The following STAT4 variants were observed in gnomAD, a reference collection of about 807,000 sequenced individuals.
STAT4 encodes the protein signal transducer and activator of transcription 4.
Under a neutral mutation model 110.5 loss-of-function variants are expected in STAT4, and 42 were observed. The ratio of observed to expected loss-of-function variants is 0.38; its 90% CI spans 0.30 to 0.49. The LOEUF is 0.49. STAT4 is among the 20% of genes least tolerant of loss of function. The pLI is 0.95. For synonymous variants in STAT4, 284 were observed against 302.2 expected (o/e 0.94, Z 0.63); for missense variants, 632 against 887.9 (o/e 0.71, Z 3.66).
chr2:191,031,378 C>T lies in STAT4; in HGVS notation c.2111+72G>A, dbSNP rs1695887954. 1 of 1,453,216 alleles carries T rather than the reference C, an allele frequency of 6.9e-7. No individual in the cohort carries two copies. Among genetic ancestry groups the T allele is most frequent in the African/African-American group, 1.4e-5 (1 of 70,820 alleles). 90.0% of individuals were successfully genotyped at this position (1,453,216 alleles called of 1,614,324 possible). A position where few individuals can be genotyped will look rare whatever the true frequency, so the allele number is the denominator to read the frequency against. On this transcript the variant is annotated intron_variant, in intron 22 of 23. Coordinates refer to ENST00000392320, the MANE Select transcript of STAT4 (RefSeq NM_003151.4). The surrounding 1 kb of genome is among the most constrained non-coding windows in gnomAD (Gnocchi z 4.8). ...TGCTTTGTTCTCAGTTATGTGTACT[C>T]TGCTCTACCTTTAAATCTCCTATAG...
rs73982612 is a variant in STAT4, at chr2:191,114,747, C to T, written c.273+31866G>A. Among the ~76,000 whole-genome samples the T allele has an allele frequency of 2.6e-3, 390 of 152,254 alleles. 1 individual carries two copies. Among genetic ancestry groups the T allele is most frequent in the African/African-American group, 9.0e-3 (375 of 41,534 alleles). On this transcript the variant is annotated intron_variant, in intron 3 of 23. Transcript: ENST00000392320. ...TACTGCTGTAGATCATGCTTCTTTACGGGCTGCAGAGCTGGGGGCTGCCTT... is the reference window on the plus strand; with the variant it reads ...TACTGCTGTAGATCATGCTTCTTTATGGGCTGCAGAGCTGGGGGCTGCCTT...
chr2:191,038,160 A>G (rs1160372970), intron 16 of STAT4, among the ~76,000 whole-genome samples: 2 of 152,178 alleles, frequency 1.3e-5, no homozygotes, highest in East Asian at 3.9e-4. Context: ...GAACATGTGT[A>G]GATCTAATGG....
chr2:191,088,545 C>A (rs1320427213), intron 3 of STAT4, among the ~76,000 whole-genome samples: 2 of 152,198 alleles, frequency 1.3e-5, no homozygotes, highest in South Asian at 2.1e-4. Context: ...AGATTCCAAT[C>A]AAAATACTAG....
chr2:191,047,101 A>T (rs916852194), intron 14 of STAT4, among the ~76,000 whole-genome samples: 3 of 152,184 alleles, frequency 2.0e-5, no homozygotes, highest in African/African-American at 7.2e-5. Context: ...CTTCCATAAA[A>T]ACCTCAAAGA....
intron 8 of STAT4, 121 bp from the exon 9 acceptor site, chr2:191,063,041 G>T (rs974196271): frequency 3.7e-6 from 3 of 814,782 alleles, no homozygotes; most frequent in Non-Finnish European, 5.1e-6. Context: ...TTAATTAAAT[G>T]AATCACTTAA....
At chr2:191,041,730 AG>A (rs141730293) in intron 14 of STAT4, 10,082 of 152,270 alleles carry the variant, frequency 0.066, 461 homozygotes, top group Middle Eastern at 0.12. Context: ...GGTAGAAGAA[AG>A]AACCCAGAGG....
At chr2:191,129,678 G>A (rs989360370) in intron 3 of STAT4, among the ~76,000 whole-genome samples, 3 of 152,088 alleles carry the variant, frequency 2.0e-5, no homozygotes, top group Admixed American at 6.6e-5. Context: ...CCGCCAGAAT[G>A]AGCTTTTTAA....
At position 191,030,626 on chromosome 2, in the gene STAT4, C is replaced by A; in HGVS notation, c.2220+346G>T. ...GTATACTAGGTTTATAAATATTGAC[C>A]AATAAATGGTGTTTGCTAAAGTAGA... On this transcript the variant is annotated intron_variant, in intron 23 of 23. Coordinates refer to ENST00000392320, the MANE Select transcript of STAT4 (RefSeq NM_003151.4). This position sits in a 1 kb window ranked among gnomAD's most constrained non-coding sequence, Gnocchi z 4.4. The A allele has an allele frequency of 5.1e-6, 1 of 195,548 alleles. No homozygotes were observed. The highest frequency in any genetic ancestry group is 1.1e-5 in the Non-Finnish European group (1 of 93,982). 12.1% of individuals were successfully genotyped at this position (195,548 alleles called of 1,614,324 possible). A position where few individuals can be genotyped will look rare whatever the true frequency, so the allele number is the denominator to read the frequency against.
chr2:191,149,961 T>C (rs1335881093), intron 1 of STAT4, among the ~76,000 whole-genome samples: 2 of 152,216 alleles, frequency 1.3e-5, no homozygotes, highest in African/African-American at 2.4e-5. Flanking sequence ...TAACAATAAC[T>C]TAGTGTATAT....
Position 191,090,424 on chromosome 2 carries a change from C to G in STAT4, c.274-14099G>C, listed in dbSNP as rs1392694209. ...TGATAAAAGAAAGGTACAGTATAGG[C>G]TGTTGATGGATCTAAATTAACAATG... On this transcript the variant is annotated intron_variant, in intron 3 of 23. Coordinates refer to ENST00000392320, the MANE Select transcript of STAT4 (RefSeq NM_003151.4). This position sits in a 1 kb window ranked among gnomAD's most constrained non-coding sequence, Gnocchi z 4.2. Among the ~76,000 whole-genome samples the G allele has an allele frequency of 6.6e-6, 1 of 151,776 alleles. No homozygotes were observed. The highest frequency in any genetic ancestry group is 1.5e-5 in the Non-Finnish European group (1 of 67,992).
In STAT4 at chr2:191,083,546, C is replaced by T. The variant is rs16833249; in HGVS notation, c.274-7221G>A. Among the ~76,000 whole-genome samples the T allele has an allele frequency of 0.45, 69,064 of 152,080 alleles. 19,174 individuals carry two copies. The highest frequency in any genetic ancestry group is 0.61 in the South Asian group (2,931 of 4,820). ...TTTGACTTCTCATTTTTTTAACTACCTACAACCATACTTCTCTCAAATGTA... is the reference window on the plus strand; with the variant it reads ...TTTGACTTCTCATTTTTTTAACTACTTACAACCATACTTCTCTCAAATGTA... On this transcript the variant is annotated intron_variant, in intron 3 of 23. Transcript: ENST00000392320. This position sits in a 1 kb window ranked among gnomAD's most constrained non-coding sequence, Gnocchi z 4.6.
At chr2:191,097,925 CA>C (rs1559066205) in intron 3 of STAT4, among the ~76,000 whole-genome samples, 1 of 151,546 alleles carries the variant, frequency 6.6e-6, no homozygotes, top group South Asian at 2.1e-4. Flanking sequence ...AAAAAAAAAC[CA>C]ACCAACCTAT....
At chr2:191,118,909 C>G (rs1574173203) in intron 3 of STAT4, among the ~76,000 whole-genome samples, 1 of 152,142 alleles carries the variant, frequency 6.6e-6, no homozygotes, top group East Asian at 1.9e-4. Context: ...AATGTGCATG[C>G]CACCACGCCT....
At chr2:191,111,431 TAAAC>T (rs1373119773) in intron 3 of STAT4, among the ~76,000 whole-genome samples, 1 of 152,200 alleles carries the variant, frequency 6.6e-6, no homozygotes, top group East Asian at 1.9e-4. Context: ...TGATCACAAA[TAAAC>T]AAGCTGTAGT....
intron 6 of STAT4, among the ~76,000 whole-genome samples, chr2:191,068,785 C>A (rs1697065602): frequency 6.6e-6 from 1 of 152,096 alleles, no homozygotes; most frequent in African/African-American, 2.4e-5. Flanking sequence ...ATTCCATCAA[C>A]TAAACTAGAC....
intron 3 of STAT4, among the ~76,000 whole-genome samples, chr2:191,137,158 C>T (rs547440221): frequency 6.6e-4 from 101 of 152,140 alleles, no homozygotes; most frequent in African/African-American, 2.1e-3. Flanking sequence ...ACCTGGCCAA[C>T]GTGGTGAAAC....
At position 191,140,246 on chromosome 2, in the gene STAT4, G is replaced by C. The variant is rs1470174552; in HGVS notation, c.273+6367C>G. Among the ~76,000 whole-genome samples, 1 of 152,142 alleles carries C rather than the reference G, an allele frequency of 6.6e-6. No individual in the cohort carries two copies. The highest frequency in any genetic ancestry group is 1.5e-5 in the Non-Finnish European group (1 of 68,028). ...GCAACAAAAACAAAGATAAATAGAT[G>C]GGACCTAATTAACTAAAAAGCTTCT... is the stretch of plus-strand genomic sequence containing the variant. On this transcript the variant is annotated intron_variant, in intron 3 of 23. Transcript: ENST00000392320. This position sits in a 1 kb window ranked among gnomAD's most constrained non-coding sequence, Gnocchi z 4.4.
chr2:191,093,886 G>T (rs889140520), intron 3 of STAT4, among the ~76,000 whole-genome samples: 1 of 152,154 alleles, frequency 6.6e-6, no homozygotes, highest in East Asian at 1.9e-4. Context: ...GTATAGAGAA[G>T]ACCTTAAATG....
intron 3 of STAT4, among the ~76,000 whole-genome samples, chr2:191,145,546 C>T (rs780155794): frequency 2.6e-4 from 39 of 152,088 alleles, no homozygotes; most frequent in Admixed American, 1.1e-3. Flanking sequence ...CCTGTTTTGT[C>T]GGCAATATGC....
Sources: gnomAD v4.1 joint callset for allele counts (sites outside exome capture counted in the v4.1 genomes callset) on GRCh38, gnomAD v4.1.1 for gene constraint, Gnocchi (gnomAD v3.1) non-coding constraint, MANE v1.5 for transcripts, NCBI Gene and HGNC (gene_info 2026-07-23, HGNC 2026-07-21) for gene names.